The following MIB1 variants were observed in gnomAD, a reference collection of about 807,000 sequenced individuals.
MIB1 encodes the protein E3 ubiquitin-protein ligase MIB1.
A neutral mutation model predicts 124.5 loss-of-function variants in MIB1; 278 were observed. The ratio of observed to expected loss-of-function variants is 2.23; its 90% CI spans 2.02 to 2.47. The LOEUF (loss-of-function observed/expected upper bound fraction) is 2.47. MIB1 is among the 30% of genes most tolerant of loss of function. The pLI, the probability that MIB1 is intolerant of heterozygous loss-of-function variation, is 0.00. For missense variants in MIB1, 957 were observed against 1,254.4 expected (o/e 0.76, Z 3.58); for synonymous variants, 446 against 429.4 (o/e 1.04, Z -0.48).
intron 1 of MIB1, among the ~76,000 whole-genome samples, chr18:21,707,442 C>T (rs2040644217): frequency 6.6e-6 from 1 of 152,212 alleles, no homozygotes; most frequent in Non-Finnish European, 1.5e-5. Flanking sequence ...AGGCAACCTA[C>T]TGGGGTCGCC....
chr18:21,772,080 A>G (rs2041230029), intron 3 of MIB1, among the ~76,000 whole-genome samples: 1 of 152,246 alleles, frequency 6.6e-6, no homozygotes, highest in Admixed American at 6.5e-5. Context: ...ACAATTTAAA[A>G]TATGTTTCAA....
chr18:21,804,526 CT>C (rs1251164985), intron 10 of MIB1, among the ~76,000 whole-genome samples: 1 of 152,142 alleles, frequency 6.6e-6, no homozygotes, highest in Non-Finnish European at 1.5e-5. Flanking sequence ...AGAATATATT[CT>C]TATAAAAGAG....
intron 7 of MIB1, among the ~76,000 whole-genome samples, chr18:21,793,729 A>G (rs891454247): frequency 7.3e-6 from 1 of 137,472 alleles, no homozygotes; most frequent in African/African-American, 2.7e-5. Context: ...TACAGTGAGC[A>G]GAGATCACAC....
rs146430244 is a variant in MIB1 at position 21,847,069 on chromosome 18, C to T, written c.2337C>T (p.Leu779=). Residue 779 remains leucine (L), a synonymous_variant, in exon 16 of 21, where the codon CTC becomes CTT. Coordinates refer to ENST00000261537, the MANE Select transcript of MIB1 (RefSeq NM_020774.4). The part of the protein sequence containing the change: ...RNKKGQSPLD[L]CPDPNLCKAL... ...AGAAGGGTCAATCGCCACTTGATCT[C>T]TGTCCTGATCCGAATCTCTGCAAAG... 2.9e-4 allele frequency: 461 copies of T among 1,614,148 alleles called. No individual in the cohort carries two copies. The highest frequency in any genetic ancestry group is 9.0e-4 in the Admixed American group (54 of 60,022).
At chr18:21,757,554 G>A (rs561090956) in intron 1 of MIB1, among the ~76,000 whole-genome samples, 1 of 140,410 alleles carries the variant, frequency 7.1e-6, no homozygotes, top group Non-Finnish European at 1.5e-5. Context: ...GTGCGATCTC[G>A]GCTCACTGCA....
chr18:21,705,068 C>T (rs933464450), exon 1 of MIB1: 3 of 162,838 alleles, frequency 1.8e-5, no homozygotes, highest in African/African-American at 7.1e-5. Context: ...CCCCAGTGAC[C>T]TTGAACGATT....
chr18:21,779,249 C>CA (rs2041329150), intron 5 of MIB1, among the ~76,000 whole-genome samples: 3 of 152,130 alleles, frequency 2.0e-5, no homozygotes, highest in Admixed American at 1.3e-4. Context: ...TACTTTTACT[C>CA]AGTCTTTGTT....
intron 6 of MIB1, among the ~76,000 whole-genome samples, chr18:21,787,591 A>G (rs2041451066): frequency 6.6e-6 from 1 of 151,986 alleles, no homozygotes; most frequent in South Asian, 2.1e-4. Context: ...TCCTGGGGGA[A>G]TTTTCTGTGC....
chr18:21,741,884 C>T lies in MIB1; in HGVS notation c.229+72C>T, dbSNP rs1428381234. On this transcript the variant is annotated intron_variant, in intron 1 of 20. Coordinates refer to ENST00000261537, the MANE Select transcript of MIB1 (RefSeq NM_020774.4). This position sits in a 1 kb window ranked among gnomAD's most constrained non-coding sequence, Gnocchi z 5.4. The stretch of plus-strand genomic sequence containing the variant: ...GGCGAGCTGCGGTGGGCGTCGGTGT[C>T]GCGGGGAGAGGTCTGCAGTGGGACA... 5.1e-6 allele frequency: 7 copies of T among 1,375,204 alleles called. No individual in the cohort carries two copies. The highest frequency in any genetic ancestry group is 4.9e-6 in the Non-Finnish European group (5 of 1,021,592). 85.2% of individuals were successfully genotyped at this position (1,375,204 alleles called of 1,614,324 possible).
intron 10 of MIB1, 81 bp from the exon 11 acceptor site, chr18:21,815,535 C>A: frequency 1.6e-6 from 2 of 1,239,250 alleles, no homozygotes; most frequent in Non-Finnish European, 2.3e-6. Context: ...AATTAATCTG[C>A]TTCTTGGTAT....
At chr18:21,779,768 C>A (rs772689878) in intron 6 of MIB1, 83 bp downstream of exon 6, 2 of 1,048,682 alleles carry the variant, frequency 1.9e-6, no homozygotes, top group Admixed American at 3.8e-5. Flanking sequence ...TAAAGTGATA[C>A]AACCAAATAC....
chr18:21,707,550 A>G (rs958442423), intron 1 of MIB1, among the ~76,000 whole-genome samples: 6 of 152,148 alleles, frequency 3.9e-5, no homozygotes, highest in African/African-American at 1.4e-4. Context: ...TATAACACTC[A>G]CTGCGAAGGT....
chr18:21,725,081 C>T (rs2040735310), intron 1 of MIB1, among the ~76,000 whole-genome samples: 1 of 123,502 alleles, frequency 8.1e-6, no homozygotes, highest in African/African-American at 3.2e-5. Context: ...GGTGACAGAG[C>T]GAGACTCTGT....
chr18:21,850,363 C>T (rs2042170442), intron 17 of MIB1, among the ~76,000 whole-genome samples: 1 of 151,976 alleles, frequency 6.6e-6, no homozygotes, highest in South Asian at 2.1e-4. Flanking sequence ...TTTCCATTCC[C>T]TTCTTTTTAT....
At chr18:21,708,108 G>T (rs908661303) in intron 1 of MIB1, among the ~76,000 whole-genome samples, 3 of 152,146 alleles carry the variant, frequency 2.0e-5, no homozygotes, top group Admixed American at 6.5e-5. Context: ...ACCTTGAGGG[G>T]CTAGGGCTCC....
chr18:21,845,327 A>G (rs1378003487), intron 15 of MIB1, among the ~76,000 whole-genome samples: 3 of 151,962 alleles, frequency 2.0e-5, no homozygotes, highest in Non-Finnish European at 4.4e-5. Context: ...TTCTTCTAAT[A>G]GTGATTTGGA....
intron 16 of MIB1, among the ~76,000 whole-genome samples, chr18:21,848,256 GAC>G (rs2042151491): frequency 6.6e-6 from 1 of 152,138 alleles, no homozygotes; most frequent in Non-Finnish European, 1.5e-5. Flanking sequence ...AGGAGTTCAA[GAC>G]CAGCCTGACT....
At position 21,819,504 on chromosome 18, in the gene MIB1, G is replaced by A; in HGVS notation, c.1687G>A (p.Gly563Ser). ...GCHPSLQDSE[G>S]DTPLHDAISK... Reference sequence around the variant, plus strand: ...TTCTTTAAACTTAAAGGATTCTGAAGGTGATACCCCTCTTCATGATGCAAT... The same window carrying A: ...TTCTTTAAACTTAAAGGATTCTGAAAGTGATACCCCTCTTCATGATGCAAT... The change falls in exon 12 of 21, where the codon GGT becomes AGT. Residue 563 changes from glycine (G) to serine (S), a missense_variant. Physicochemically the swap from Gly to Ser is moderately conservative, Grantham distance 56. Transcript: ENST00000261537. The A allele has an allele frequency of 6.3e-7, 1 of 1,599,244 alleles. No individual in the cohort carries two copies. The highest frequency in any genetic ancestry group is 1.3e-5 in the African/African-American group (1 of 74,478).
At chr18:21,783,351 T>G (rs932810223) in intron 6 of MIB1, among the ~76,000 whole-genome samples, 2 of 151,948 alleles carry the variant, frequency 1.3e-5, no homozygotes, top group African/African-American at 4.8e-5. Flanking sequence ...CAAGCAATTC[T>G]CCTGTCTCAG....
Sources: allele counts gnomAD v4.1 joint callset (sites outside exome capture counted in the v4.1 genomes callset), GRCh38; gene constraint gnomAD v4.1.1; non-coding constraint Gnocchi (gnomAD v3.1); transcripts MANE v1.5; gene names NCBI Gene and HGNC (gene_info 2026-07-23, HGNC 2026-07-21).